Variants in LMBRD2 observed in about 807,000 individuals in gnomAD.
LMBRD2 encodes G protein-coupled receptor-associated protein LMBRD2.
LMBRD2 carries 55 observed loss-of-function variants against 94.4 expected under a neutral mutation model. The ratio of observed to expected loss-of-function variants is 0.58; its 90% CI spans 0.47 to 0.73. The LOEUF (loss-of-function observed/expected upper bound fraction) is 0.73. Ranked by LOEUF, LMBRD2 falls within the 30% of genes least tolerant of loss-of-function variation. The pLI is 0.00. For synonymous variants in LMBRD2, 246 were observed against 272.4 expected, an observed-to-expected ratio of 0.90 and a Z score of 0.95; for missense variants, 640 against 831.9, an observed-to-expected ratio of 0.77 and a Z score of 2.84.
Position 36,114,444 on chromosome 5 carries a change from G to T in LMBRD2, c.1620C>A (p.Leu540=). The T allele has an allele frequency of 6.4e-7, 1 of 1,557,756 alleles. No homozygotes were observed. The highest frequency in any genetic ancestry group is 1.2e-5 in the South Asian group (1 of 80,396). The change falls in exon 13 of 18, where the codon CTC becomes CTA. Residue 540 remains leucine, a synonymous_variant. Coordinates refer to ENST00000296603, the MANE Select transcript of LMBRD2 (RefSeq NM_001007527.2). ...YIYYPMLVVI[L]CIATYFSLGT... ...CTTACCTAAAATAAGTAGCAATGCA[G>T]AGAATTACCACCAACATAGGATAAT...
intron 16 of LMBRD2, among the ~76,000 whole-genome samples, chr5:36,108,237 G>A (rs904236604): frequency 6.6e-6 from 1 of 152,242 alleles, no homozygotes; most frequent in African/African-American, 2.4e-5. Context: ...AAGGTAAGTT[G>A]TAGAAATAAA....
chr5:36,148,786 G>A (rs1051778037), intron 1 of LMBRD2, among the ~76,000 whole-genome samples: 1 of 152,132 alleles, frequency 6.6e-6, no homozygotes, highest in Non-Finnish European at 1.5e-5. Flanking sequence ...ATAATTACAT[G>A]TCTCTTCTCT....
chr5:36,134,949 A>G (rs1038224430), intron 6 of LMBRD2, among the ~76,000 whole-genome samples: 4 of 152,174 alleles, frequency 2.6e-5, no homozygotes, highest in African/African-American at 9.6e-5. Context: ...AAAGAAAGAC[A>G]ATGTGTGTAA....
chr5:36,137,988 G>A (rs1579523897), intron 4 of LMBRD2, among the ~76,000 whole-genome samples: 1 of 152,228 alleles, frequency 6.6e-6, no homozygotes, highest in Non-Finnish European at 1.5e-5. Context: ...GTAAGAATGA[G>A]TATGGAGAAT....
At chr5:36,135,700 A>G (rs1298319036) in intron 6 of LMBRD2, among the ~76,000 whole-genome samples, 1 of 152,338 alleles carries the variant, frequency 6.6e-6, no homozygotes, top group Non-Finnish European at 1.5e-5. Flanking sequence ...CTTTAAATCC[A>G]TAACAAAATT....
At position 36,120,478 on chromosome 5, in the gene LMBRD2, C is replaced by T. The variant is rs186085761; in HGVS notation, c.1120+1802G>A. Among the ~76,000 whole-genome samples, 1,350 of 152,258 alleles carry T rather than the reference C, an allele frequency of 8.9e-3. 12 individuals carry two copies. The highest frequency in any genetic ancestry group is 0.015 in the Non-Finnish European group (1,050 of 68,014). ...GTTTCACCATGTTGGCCAGGATGGT[C>T]TCAATCTCTTGACCTTGTGATCTGC... On this transcript the variant is annotated intron_variant, in intron 9 of 17. Transcript: ENST00000296603.
chr5:36,142,310 T>C (rs566703264), intron 3 of LMBRD2, among the ~76,000 whole-genome samples, 192 bp downstream of exon 3: 4 of 152,280 alleles, frequency 2.6e-5, no homozygotes, highest in African/African-American at 9.6e-5. Flanking sequence ...TGTGGACCAA[T>C]AAATATTAAA....
chr5:36,146,226 T>C (rs958198496), intron 1 of LMBRD2, among the ~76,000 whole-genome samples: 9 of 152,242 alleles, frequency 5.9e-5, no homozygotes, highest in Non-Finnish European at 1.5e-5. Context: ...TTAAACAACA[T>C]CCATTTAGTA....
intron 7 of LMBRD2, among the ~76,000 whole-genome samples, chr5:36,123,581 T>A (rs1743936620): frequency 1.3e-5 from 2 of 151,996 alleles, no homozygotes; most frequent in Non-Finnish European, 2.9e-5. Context: ...TTTCCATGGT[T>A]CTGTGGGTTT....
chr5:36,150,057 C>A (rs1330643504), intron 1 of LMBRD2, among the ~76,000 whole-genome samples: 1 of 152,072 alleles, frequency 6.6e-6, no homozygotes, highest in Non-Finnish European at 1.5e-5. Flanking sequence ...ATCTAATGTA[C>A]CAATTTAAAC....
At chr5:36,135,205 T>G (rs933696807) in intron 6 of LMBRD2, among the ~76,000 whole-genome samples, 1 of 152,176 alleles carries the variant, frequency 6.6e-6, no homozygotes, top group Non-Finnish European at 1.5e-5. Context: ...TTCCTAGCCA[T>G]GTAGACATGA....
At chr5:36,125,031 G>T (rs1743977504) in intron 6 of LMBRD2, among the ~76,000 whole-genome samples, 1 of 152,128 alleles carries the variant, frequency 6.6e-6, no homozygotes, top group Non-Finnish European at 1.5e-5. Flanking sequence ...CTAGGTGTAA[G>T]GCCCCCGTAA....
chr5:36,126,581 TTCTC>T, intron 6 of LMBRD2, among the ~76,000 whole-genome samples: 1 of 152,302 alleles, frequency 6.6e-6, no homozygotes, highest in African/African-American at 2.4e-5. Context: ...CTCCCTAAAA[TTCTC>T]TATCTAGAAA....
intron 6 of LMBRD2, 119 bp downstream of exon 6, chr5:36,136,190 A>G: frequency 1.1e-6 from 1 of 883,270 alleles, no homozygotes; most frequent in South Asian, 1.5e-5. Flanking sequence ...GGATTGCACA[A>G]CACCAGTTTT....
Position 36,104,059 on chromosome 5 carries a change from A to T in LMBRD2, c.2075T>A (p.Phe692Tyr). 2 of 1,610,352 alleles carry T rather than the reference A, an allele frequency of 1.2e-6. No homozygotes were observed. The highest frequency in any genetic ancestry group is 1.7e-6 in the Non-Finnish European group (2 of 1,177,480). Residue 692 changes from phenylalanine (F) to tyrosine (Y), a missense_variant, in exon 18 of 18, where the codon TTT (phenylalanine) becomes TAT (tyrosine). Phe to Tyr is a conservative substitution (Grantham distance 22). Coordinates refer to ENST00000296603, the MANE Select transcript of LMBRD2 (RefSeq NM_001007527.2). Reference protein sequence around the residue: ...RYLSMSRSDIFNDV With the variant: ...RYLSMSRSDIYNDV ...CTTTTTCAGACTTTAAACATCATTAAATATGTCACTGCGAGACATCGAGAG... is the reference window on the plus strand; with the variant it reads ...CTTTTTCAGACTTTAAACATCATTATATATGTCACTGCGAGACATCGAGAG...
chr5:36,105,798 C>T (rs111895496), intron 16 of LMBRD2, among the ~76,000 whole-genome samples: 3 of 152,140 alleles, frequency 2.0e-5, no homozygotes, highest in Admixed American at 1.3e-4. Context: ...TCAATAGCCA[C>T]GTGTGGCTAA....
At chr5:36,106,390 C>T (rs1743467644) in intron 16 of LMBRD2, among the ~76,000 whole-genome samples, 1 of 152,034 alleles carries the variant, frequency 6.6e-6, no homozygotes, top group African/African-American at 2.4e-5. Context: ...GTCTCACTTC[C>T]CCAAGAATTA....
rs112077190 is a variant in LMBRD2, at chr5:36,118,332, C to T, written c.1121-416G>A. Among the ~76,000 whole-genome samples the T allele has an allele frequency of 3.3e-3, 505 of 152,112 alleles. 1 individual carries two copies. The highest frequency in any genetic ancestry group is 5.8e-3 in the Admixed American group (88 of 15,282). The stretch of plus-strand genomic sequence containing the variant: ...ACTAAGGAGACACAACAACTGAATG[C>T]GATGCATGATCTGGGATTTTTTACA... On this transcript the variant is annotated intron_variant, in intron 9 of 17. Transcript: ENST00000296603.
Position 36,141,509 on chromosome 5 carries a change from T to A in LMBRD2, c.273-307A>T, listed in dbSNP as rs370116686. Among the ~76,000 whole-genome samples the A allele has an allele frequency of 7.2e-5, 11 of 151,780 alleles. No individual in the cohort carries two copies. In the East Asian group the frequency reaches 2.1e-3, roughly 29 times the overall value. ...AACTAATAGACTAAAAGTGCAACAA[T>A]CATTAAAAGCAAATGTATTATGAAA... On this transcript the variant is annotated intron_variant, in intron 3 of 17. Transcript: ENST00000296603.
Sources: gnomAD v4.1 joint callset for allele counts (sites outside exome capture counted in the v4.1 genomes callset) on GRCh38, gnomAD v4.1.1 for gene constraint, MANE v1.5 for transcripts, NCBI Gene and HGNC (gene_info 2026-07-23, HGNC 2026-07-21) for gene names.